Variants in MTDH observed in about 807,000 individuals in gnomAD.
MTDH encodes the protein protein LYRIC.
MTDH carries 34 observed loss-of-function variants against 72.7 expected under a neutral mutation model. The ratio of observed to expected loss-of-function variants is 0.47; its 90% CI spans 0.36 to 0.62. MTDH has a LOEUF of 0.62. Among genes scored for constraint, MTDH ranks in the 20% least tolerant of loss-of-function variants. The pLI, the probability that MTDH is intolerant of heterozygous loss-of-function variation, is 0.00. For synonymous variants in MTDH, 266 were observed against 268.9 expected, an observed-to-expected ratio of 0.99 and a Z score of 0.10; for missense variants, 677 against 699.4, an observed-to-expected ratio of 0.97 and a Z score of 0.36.
At chr8:97,676,504 T>C (rs775256450) in intron 2 of MTDH, among the ~76,000 whole-genome samples, 2 of 152,200 alleles carry the variant, frequency 1.3e-5, no homozygotes, top group Non-Finnish European at 2.9e-5. Flanking sequence ...ATAGCTCTAC[T>C]CTTGCTGCCA....
chr8:97,680,542 C>G (rs1019258326), intron 2 of MTDH, among the ~76,000 whole-genome samples: 1 of 152,138 alleles, frequency 6.6e-6, no homozygotes, highest in South Asian at 2.1e-4. Flanking sequence ...TATACATGTA[C>G]TTAACATATA....
intron 6 of MTDH, among the ~76,000 whole-genome samples, chr8:97,698,311 C>T (rs187186724): frequency 3.3e-5 from 5 of 152,202 alleles, no homozygotes; most frequent in African/African-American, 4.8e-5. Flanking sequence ...TGTGTGTGTG[C>T]GCACGCCTGA....
chr8:97,723,352 C>T (rs1399485034), intron 11 of MTDH, among the ~76,000 whole-genome samples: 2 of 150,428 alleles, frequency 1.3e-5, no homozygotes, highest in African/African-American at 4.9e-5. Context: ...GAGCCAAAAT[C>T]GTGCCACTGC....
intron 8 of MTDH, among the ~76,000 whole-genome samples, chr8:97,708,411 A>G (rs1344130258): frequency 6.9e-6 from 1 of 144,506 alleles, no homozygotes; most frequent in African/African-American, 2.6e-5. Flanking sequence ...CCTCCTGAGT[A>G]GCTGGGATTA....
chr8:97,705,607 AAAAT>A (rs545605137), intron 7 of MTDH, among the ~76,000 whole-genome samples: 80 of 152,336 alleles, frequency 5.3e-4, no homozygotes, highest in African/African-American at 1.4e-3. Context: ...CTTGGGGAAA[AAAAT>A]AAAGAAAGAA....
intron 8 of MTDH, among the ~76,000 whole-genome samples, chr8:97,707,489 A>T (rs537640880): frequency 7.0e-5 from 9 of 128,930 alleles, no homozygotes; most frequent in Non-Finnish European, 1.2e-4. Flanking sequence ...GGTGTCCTCA[A>T]ACTCCTGGCC....
intron 1 of MTDH, among the ~76,000 whole-genome samples, chr8:97,648,807 GC>G (rs1811659429): frequency 6.6e-6 from 1 of 152,194 alleles, no homozygotes; most frequent in South Asian, 2.1e-4. Context: ...CTTGCACAGT[GC>G]TTGGTACTCA....
chr8:97,718,624 A>G (rs562704933), intron 9 of MTDH, among the ~76,000 whole-genome samples: 12 of 150,560 alleles, frequency 8.0e-5, no homozygotes, highest in African/African-American at 2.7e-4. Flanking sequence ...AGGCTCAAGC[A>G]ATTCTCATAC....
At chr8:97,662,690 G>A (rs1812219919) in intron 2 of MTDH, among the ~76,000 whole-genome samples, 2 of 151,806 alleles carry the variant, frequency 1.3e-5, no homozygotes, top group Non-Finnish European at 2.9e-5. Flanking sequence ...GGAGGCTGAG[G>A]TAGGAGAATC....
At chr8:97,707,358 A>G (rs1814397269) in intron 8 of MTDH, among the ~76,000 whole-genome samples, 1 of 151,494 alleles carries the variant, frequency 6.6e-6, no homozygotes, top group African/African-American at 2.4e-5. Context: ...CCATGTTGGC[A>G]AAGCTGGTCT....
chr8:97,664,224 C>T (rs577779538), intron 2 of MTDH, among the ~76,000 whole-genome samples: 12 of 146,536 alleles, frequency 8.2e-5, no homozygotes, highest in Non-Finnish European at 1.5e-4. Flanking sequence ...GGCATGGTGG[C>T]GTGTGCCTGT....
intron 2 of MTDH, among the ~76,000 whole-genome samples, chr8:97,682,249 TATATATATATATATATA>T (rs1813137635): frequency 1.3e-3 from 8 of 5,940 alleles, no homozygotes; most frequent in East Asian, 0.013. Context: ...TATATATATA[TATATATATATATATATA>T]TATATATATA....
chr8:97,729,265 C>T lies in MTDH; in HGVS notation c.*4595C>T, dbSNP rs552579134. ...CAGTTCTTACTTGAAGACAGCTGCT[C>T]TAGCTAGAAACTTCCTATCGGCATC... On this transcript the variant is annotated 3_prime_UTR_variant, in exon 12 of 12. Transcript: ENST00000336273. 6.6e-6 allele frequency among the ~76,000 whole-genome samples: 1 copy of T among 152,016 alleles called. No homozygotes were observed. Among genetic ancestry groups the T allele is most frequent in the Admixed American group, 6.6e-5 (1 of 15,224 alleles).
chr8:97,713,617 A>G, intron 8 of MTDH, 45 bp from the exon 9 acceptor site: 1 of 1,085,890 alleles, frequency 9.2e-7, no homozygotes, highest in Non-Finnish European at 1.4e-6. Context: ...AATAATGGAC[A>G]CATAACCATT....
At chr8:97,717,564 T>G (rs1014042833) in intron 9 of MTDH, among the ~76,000 whole-genome samples, 3 of 151,844 alleles carry the variant, frequency 2.0e-5, no homozygotes, top group Non-Finnish European at 4.4e-5. Flanking sequence ...TGTACCATGG[T>G]GTCCTAGCCT....
intron 2 of MTDH, among the ~76,000 whole-genome samples, chr8:97,663,376 G>C (rs1812248061): frequency 6.6e-6 from 1 of 152,164 alleles, no homozygotes; most frequent in South Asian, 2.1e-4. Flanking sequence ...TGCAAGGTGA[G>C]GTATGTTTGT....
intron 6 of MTDH, among the ~76,000 whole-genome samples, chr8:97,695,962 A>G (rs929621053): frequency 6.6e-6 from 1 of 152,248 alleles, no homozygotes; most frequent in Admixed American, 6.5e-5. Flanking sequence ...GCTGTTTTCT[A>G]GCTATCAGCA....
chr8:97,676,352 C>T (rs1165426422), intron 2 of MTDH, among the ~76,000 whole-genome samples: 1 of 152,054 alleles, frequency 6.6e-6, no homozygotes, highest in Non-Finnish European at 1.5e-5. Flanking sequence ...TACGGTATCC[C>T]CCTTGTGATA....
At chr8:97,688,141 G>A (rs747439880) in intron 4 of MTDH, among the ~76,000 whole-genome samples, 8 of 152,112 alleles carry the variant, frequency 5.3e-5, no homozygotes, top group Non-Finnish European at 7.4e-5. Flanking sequence ...TATTTCAGAT[G>A]TTCATACTAT....
Sources: allele counts gnomAD v4.1 joint callset (sites outside exome capture counted in the v4.1 genomes callset), GRCh38; gene constraint gnomAD v4.1.1; transcripts MANE v1.5; gene names NCBI Gene and HGNC (gene_info 2026-07-23, HGNC 2026-07-21).